Variants in SLC6A16 observed in about 807,000 individuals in gnomAD.
The protein encoded by SLC6A16 is solute carrier family 6 member 16, also known as orphan sodium- and chloride-dependent neurotransmitter transporter NTT5.
Under a neutral mutation model 65.4 loss-of-function variants are expected in SLC6A16, and 54 were observed. That is an observed-to-expected ratio of 0.83 (90% CI 0.66 to 1.04). The LOEUF (loss-of-function observed/expected upper bound fraction) is 1.04. Ranked by LOEUF, SLC6A16 falls within the 50% of genes least tolerant of loss-of-function variation. The pLI, the probability that SLC6A16 is intolerant of heterozygous loss-of-function variation, is 0.00. For synonymous variants in SLC6A16, 330 were observed against 346.5 expected, an observed-to-expected ratio of 0.95 and a Z score of 0.53; for missense variants, 816 against 914.0, an observed-to-expected ratio of 0.89 and a Z score of 1.38.
the SLC6A16 span, among the ~76,000 whole-genome samples, chr19:49,331,066 A>G: frequency 1.3e-5 from 2 of 152,114 alleles, no homozygotes; most frequent in Non-Finnish European, 2.9e-5. Flanking sequence ...ACAAAAATAT[A>G]TTATCTCACA....
upstream of SLC6A16, among the ~76,000 whole-genome samples, chr19:49,325,616 C>T (rs190001727): frequency 1.3e-5 from 2 of 152,240 alleles, no homozygotes; most frequent in East Asian, 3.9e-4. Context: ...TAAGAGAGCT[C>T]AGAAGCCTAC....
chr19:49,339,452 T>A, the SLC6A16 span: 2 of 1,587,230 alleles, frequency 1.3e-6, no homozygotes, highest in Non-Finnish European at 1.7e-6. This position sits in a 1 kb window ranked among gnomAD's most constrained non-coding sequence, Gnocchi z 4.5. Context: ...CGGCCCTAAA[T>A]CCCTAGATGG....
rs373970187 is a variant in SLC6A16 at position 49,294,557 on chromosome 19, G to C, written c.1230-4C>G. 2.8e-5 allele frequency: 45 copies of C among 1,594,182 alleles called. No individual in the cohort carries two copies. Among genetic ancestry groups the C allele is most frequent in the Non-Finnish European group, 3.8e-5 (44 of 1,171,118 alleles). ...CTTTAAAAGTATTTCAGCATTCCTG[G>C]GGATAGAGGGTTGAATCAAATCGAA... On this transcript the variant is annotated splice_region_variant and splice_polypyrimidine_tract_variant and intron_variant, in intron 7 of 11. Coordinates refer to ENST00000335875, the MANE Select transcript of SLC6A16 (RefSeq NM_014037.3).
At chr19:49,314,095 CAA>C (rs59789660) in intron 1 of SLC6A16, among the ~76,000 whole-genome samples, 2,372 of 139,716 alleles carry the variant, frequency 0.017, 51 homozygotes, top group African/African-American at 0.054. Context: ...GACTCCGTCT[CAA>C]AAAAAAAAAA....
chr19:49,338,100 C>T, the SLC6A16 span: 3 of 1,563,848 alleles, frequency 1.9e-6, no homozygotes, highest in African/African-American at 2.7e-5. This position sits in a 1 kb window ranked among gnomAD's most constrained non-coding sequence, Gnocchi z 5.0. Context: ...AGACTCCACC[C>T]CAACGTGGGC....
Position 49,290,662 on chromosome 19 carries a change from G to A in SLC6A16, c.1884C>T (p.Thr628=), listed in dbSNP as rs773766329. Residue 628 remains threonine (T), a synonymous_variant, in exon 11 of 12, where the codon ACC becomes ACT. Coordinates refer to ENST00000335875, the MANE Select transcript of SLC6A16 (RefSeq NM_014037.3). The stretch of plus-strand genomic sequence containing the variant: ...GCTTCATACAAAGATGAACCATCAT[G>A]GTCACAAAGATGATTAGCAGCACAA... ...CPVVLLIIFV[T]MMVHLCMKPI... 1 of 1,614,020 alleles carries A rather than the reference G, an allele frequency of 6.2e-7. No individual in the cohort carries two copies. The highest frequency in any genetic ancestry group is 1.7e-5 in the Admixed American group (1 of 60,012).
chr19:49,317,512 A>G (rs1970632264), intron 1 of SLC6A16, among the ~76,000 whole-genome samples: 1 of 152,124 alleles, frequency 6.6e-6, no homozygotes, highest in Non-Finnish European at 1.5e-5. Flanking sequence ...AACACTACAA[A>G]ACTGTACAAA....
rs866275311 is a variant in SLC6A16, at chr19:49,290,365, G to A, written c.1969C>T (p.Pro657Ser). 1.9e-6 allele frequency: 3 copies of A among 1,613,848 alleles called. No homozygotes were observed. Among genetic ancestry groups the A allele is most frequent in the Non-Finnish European group, 1.7e-6 (2 of 1,179,850 alleles). Residue 657 changes from proline (P) to serine (S), a missense_variant, in exon 12 of 12, where the codon CCG becomes TCG. Transcript: ENST00000335875. ...TSKEVLRPYP[P>S]WALLLMITLF... ...GTGATCATCAAGAGCAGTGCCCACG[G>A]TGGGTATGGTCGAAGCACCTCTTTT...
chr19:49,326,385 A>G (rs1216012800), upstream of SLC6A16, among the ~76,000 whole-genome samples: 1 of 152,210 alleles, frequency 6.6e-6, no homozygotes, highest in African/African-American at 2.4e-5. Flanking sequence ...ATAATATCTT[A>G]GTAGTATTAT....
chr19:49,319,423 ATT>A (rs1296510272), intron 1 of SLC6A16, among the ~76,000 whole-genome samples: 1 of 141,668 alleles, frequency 7.1e-6, no homozygotes, highest in Non-Finnish European at 1.6e-5. Flanking sequence ...ATATATATAT[ATT>A]TGTATATACA....
upstream of SLC6A16, among the ~76,000 whole-genome samples, chr19:49,329,310 A>G (rs896315124): frequency 7.9e-5 from 12 of 152,120 alleles, 1 homozygote; most frequent in Middle Eastern, 6.8e-3. Flanking sequence ...GCTGGTCTCG[A>G]ACTCCTGACC....
At chr19:49,338,338 T>A in the SLC6A16 span, 1 of 587,480 alleles carries the variant, frequency 1.7e-6, no homozygotes, top group Non-Finnish European at 2.8e-6. This position sits in a 1 kb window ranked among gnomAD's most constrained non-coding sequence, Gnocchi z 5.0. Flanking sequence ...TCCTACCCCG[T>A]AGTGACTCTG....
Position 49,311,120 on chromosome 19 carries a change from AGTTAAC to A in SLC6A16, c.222_227del (p.Leu75_Thr76del), listed in dbSNP as rs745370426. On this transcript the variant is annotated inframe_deletion, in exon 2 of 12. Transcript: ENST00000335875. Reference sequence around the variant, plus strand: ...TGGGTTTCTGGTTCAGGGCTGAGGCAGTTAACGCCTCCAATACAGAAATTTGCTTGG... The same window carrying A: ...TGGGTTTCTGGTTCAGGGCTGAGGCAGCCTCCAATACAGAAATTTGCTTGG... 2.5e-6 allele frequency: 4 copies of A among 1,614,078 alleles called. No homozygotes were observed. The African/African-American group carries it at 5.3e-5, about 22-fold the overall frequency.
rs1165212271 is a variant in SLC6A16 at position 49,311,299 on chromosome 19, A to T, written c.49T>A (p.Trp17Arg). 1.2e-6 allele frequency: 2 copies of T among 1,608,006 alleles called. No individual in the cohort carries two copies. Among genetic ancestry groups the T allele is most frequent in the Non-Finnish European group, 1.7e-6 (2 of 1,177,560 alleles). ...CTGTCAGAAATCACTGTGCCAGTCC[A>T]TGAGGTGTTTGCCAGCAAGGATGTC... ...PSTSLLANTS[W>R]TGTVISDSVP... The change falls in exon 2 of 12, where the codon TGG (tryptophan) becomes AGG (arginine). Residue 17 changes from tryptophan (W) to arginine (R), a missense_variant. By Grantham distance (101) the Trp-to-Arg change is moderately radical. Transcript: ENST00000335875.
chr19:49,305,310 G>A (rs1460296506), intron 7 of SLC6A16, among the ~76,000 whole-genome samples: 1 of 152,064 alleles, frequency 6.6e-6, no homozygotes, highest in African/African-American at 2.4e-5. Flanking sequence ...GAGCAGTGCC[G>A]GCTGGGTGTG....
In SLC6A16 at chr19:49,325,139, C is replaced by T; in HGVS notation, c.-156G>A. ...CCCCAGCTGAGAAGCCTAGCAATCT[C>T]CTCAGGCCCCTTCAGGCGTCGACAG... On this transcript the variant is annotated 5_prime_UTR_variant, in exon 1 of 12. Transcript: ENST00000335875. 1 of 985,552 alleles carries T rather than the reference C, an allele frequency of 1.0e-6. No homozygotes were observed. Among genetic ancestry groups the T allele is most frequent in the Non-Finnish European group, 1.2e-6 (1 of 829,984 alleles). 61.1% of individuals were successfully genotyped at this position (985,552 alleles called of 1,614,324 possible).
At chr19:49,326,483 A>AATTGTTATG (rs1167803849), upstream of SLC6A16, among the ~76,000 whole-genome samples, 1 of 152,214 alleles carries the variant, frequency 6.6e-6, no homozygotes, top group East Asian at 1.9e-4. Flanking sequence ...GAAAGGCTTA[A>AATTGTTATG]ATTGTTATGA....
rs1282708890 is a variant in SLC6A16, at chr19:49,309,020, G to A, written c.1085C>T (p.Ser362Phe). The part of the protein sequence containing the change: ...IGLGSVASLA[S>F]YMPQSNNCLS... ...ACAGTTGTTGGACTGGGGCATGTAG[G>A]AGGCTAAGGAGGCAACGGAGCCAAG... Residue 362 changes from serine to phenylalanine, a missense_variant, in exon 7 of 12, where the codon TCC becomes TTC. Coordinates refer to ENST00000335875, the MANE Select transcript of SLC6A16 (RefSeq NM_014037.3). 16 of 1,614,132 alleles carry A rather than the reference G, an allele frequency of 9.9e-6. No homozygotes were observed. Among genetic ancestry groups the A allele is most frequent in the African/African-American group, 1.3e-5 (1 of 75,036 alleles).
At position 49,294,347 on chromosome 19, in the gene SLC6A16, C is replaced by T. The variant is rs763748878; in HGVS notation, c.1416+20G>A. On this transcript the variant is annotated intron_variant, in intron 8 of 11. Coordinates refer to ENST00000335875, the MANE Select transcript of SLC6A16 (RefSeq NM_014037.3). ...GGCTTTCAGGAACTCTAGGCTCCCC[C>T]CTCAGCTATGTTTACTGACCTTAAG... 3.7e-6 allele frequency: 6 copies of T among 1,611,490 alleles called. No individual in the cohort carries two copies. The highest frequency in any genetic ancestry group is 4.5e-5 in the East Asian group (2 of 44,856).
Sources: gnomAD v4.1 joint callset for allele counts (sites outside exome capture counted in the v4.1 genomes callset) on GRCh38, gnomAD v4.1.1 for gene constraint, Gnocchi (gnomAD v3.1) non-coding constraint, MANE v1.5 for transcripts, NCBI Gene and HGNC (gene_info 2026-07-23, HGNC 2026-07-21) for gene names.